The following NLGN1 variants were observed in gnomAD, a reference collection of about 807,000 sequenced individuals.
NLGN1 encodes neuroligin-1.
Under a neutral mutation model 65.5 loss-of-function variants are expected in NLGN1, and 12 were observed. That is an observed-to-expected ratio of 0.18 (90% CI 0.12 to 0.30). The LOEUF (loss-of-function observed/expected upper bound fraction) is 0.30. NLGN1 is among the 10% of genes least tolerant of loss of function. The pLI is 1.00. For missense variants in NLGN1, 750 were observed against 1,007.1 expected, an observed-to-expected ratio of 0.74 and a Z score of 3.46; for synonymous variants, 350 against 359.5, an observed-to-expected ratio of 0.97 and a Z score of 0.30.
chr3:173,980,303 T>A (rs749644209), intron 4 of NLGN1, among the ~76,000 whole-genome samples: 11 of 152,060 alleles, frequency 7.2e-5, no homozygotes, highest in Non-Finnish European at 1.3e-4. Context: ...ATTTTCAGTT[T>A]CCATTCATAT....
chr3:174,181,195 T>C (rs1041049439), intron 4 of NLGN1, among the ~76,000 whole-genome samples: 31 of 152,150 alleles, frequency 2.0e-4, no homozygotes, highest in African/African-American at 7.5e-4. Flanking sequence ...TGGAATAATA[T>C]AAATTCATCA....
At chr3:174,152,382 A>G (rs2152705853) in intron 4 of NLGN1, among the ~76,000 whole-genome samples, 1 of 152,282 alleles carries the variant, frequency 6.6e-6, no homozygotes, top group Non-Finnish European at 1.5e-5. Context: ...AGAAATATTT[A>G]AAGATTTAAA....
chr3:174,050,600 C>T (rs1224802542), intron 4 of NLGN1, among the ~76,000 whole-genome samples: 1 of 151,888 alleles, frequency 6.6e-6, no homozygotes, highest in East Asian at 1.9e-4. Flanking sequence ...CAACTAATGC[C>T]GTGGCCTGGT....
At chr3:174,292,616 T>C in the NLGN1 span, among the ~76,000 whole-genome samples, 1 of 150,408 alleles carries the variant, frequency 6.6e-6, no homozygotes, top group Non-Finnish European at 1.5e-5. Flanking sequence ...TGTCCTGCCA[T>C]TCCTCCACCA....
downstream of NLGN1, among the ~76,000 whole-genome samples, chr3:174,290,310 A>G (rs1414932005): frequency 6.6e-6 from 1 of 151,028 alleles, no homozygotes. Flanking sequence ...CATTGAACCC[A>G]TAAACAGATC....
intron 3 of NLGN1, among the ~76,000 whole-genome samples, chr3:173,799,096 A>T (rs773330657): frequency 6.6e-6 from 1 of 151,992 alleles, no homozygotes; most frequent in Non-Finnish European, 1.5e-5. Flanking sequence ...TGAAATCAGT[A>T]CATGACTTTC....
In NLGN1 at chr3:174,107,134, TA is replaced by T. The variant is rs370930032; in HGVS notation, c.647-168180del. On this transcript the variant is annotated intron_variant, in intron 4 of 6. Coordinates refer to ENST00000457714, the Ensembl canonical transcript of NLGN1. ...ACCATCAAAGGTCTTATGTTGCCTT[TA>T]CCCGGTTTCACAATGATAACGTATT... Among the ~76,000 whole-genome samples the T allele has an allele frequency of 2.6e-3, 399 of 152,048 alleles. 2 individuals carry two copies. The highest frequency in any genetic ancestry group is 9.3e-3 in the African/African-American group (384 of 41,482).
At chr3:173,687,024 A>G (rs1200449299) in intron 3 of NLGN1, among the ~76,000 whole-genome samples, 1 of 152,098 alleles carries the variant, frequency 6.6e-6, no homozygotes, top group East Asian at 1.9e-4. Flanking sequence ...GGGAACAAGT[A>G]TCCAGGAGGA....
chr3:173,574,686 A>G (rs1745232003), intron 2 of NLGN1, among the ~76,000 whole-genome samples: 1 of 152,200 alleles, frequency 6.6e-6, no homozygotes, highest in African/African-American at 2.4e-5. Flanking sequence ...AAAGGAATAG[A>G]GAAGATAACA....
At chr3:173,435,727 A>C (rs1718013964) in intron 2 of NLGN1, among the ~76,000 whole-genome samples, 1 of 152,020 alleles carries the variant, frequency 6.6e-6, no homozygotes, top group Admixed American at 6.6e-5. Flanking sequence ...CCCAGCTACT[A>C]AGGAGGCTGA....
intron 4 of NLGN1, among the ~76,000 whole-genome samples, chr3:174,082,182 A>G (rs1742374883): frequency 6.6e-6 from 1 of 152,214 alleles, no homozygotes; most frequent in Non-Finnish European, 1.5e-5. Context: ...ACTTTAATAG[A>G]GCCTTCCATC....
intron 3 of NLGN1, among the ~76,000 whole-genome samples, chr3:173,712,946 A>G (rs1305596267): frequency 3.3e-5 from 5 of 152,130 alleles, no homozygotes; most frequent in Admixed American, 6.6e-5. Context: ...GGAAGAGACA[A>G]TGAGAGATAT....
At position 174,045,797 on chromosome 3, in the gene NLGN1, C is replaced by T. The variant is rs145352335; in HGVS notation, c.647-229518C>T. On this transcript the variant is annotated intron_variant, in intron 4 of 6. Coordinates refer to ENST00000457714, the Ensembl canonical transcript of NLGN1. ...GACAGTATTTGAATAAATCTGCTTG[C>T]AAATGTAATATAAAAGTAGCCCAGA... is the stretch of plus-strand genomic sequence containing the variant. Among the ~76,000 whole-genome samples the T allele has an allele frequency of 4.9e-3, 753 of 152,152 alleles. 8 individuals are homozygous for T. Among genetic ancestry groups the T allele is most frequent in the South Asian group, 0.024 (116 of 4,820 alleles).
chr3:173,909,001 C>G (rs1739020506), intron 4 of NLGN1, among the ~76,000 whole-genome samples: 1 of 152,108 alleles, frequency 6.6e-6, no homozygotes, highest in Non-Finnish European at 1.5e-5. Context: ...TAGTCTTTCC[C>G]TATCACAAAG....
In NLGN1 at chr3:174,222,842, A is replaced by G. The variant is rs376870908; in HGVS notation, c.647-52473A>G. ...ACCATTCCAGTTGCTATCTGTATCT[A>G]TTTTACAGTATAGAGTTGTTCAATT... On this transcript the variant is annotated intron_variant, in intron 4 of 6. Coordinates refer to ENST00000457714, the Ensembl canonical transcript of NLGN1. Among the ~76,000 whole-genome samples, 56 of 152,128 alleles carry G rather than the reference A, an allele frequency of 3.7e-4. 1 individual carries two copies. The highest frequency in any genetic ancestry group is 1.3e-3 in the African/African-American group (54 of 41,476).
At position 173,604,380 on chromosome 3, in the gene NLGN1, A is replaced by G; in HGVS notation, c.-219A>G. 1.7e-6 allele frequency: 1 copy of G among 580,856 alleles called. No homozygotes were observed. Among genetic ancestry groups the G allele is most frequent in the Non-Finnish European group, 3.0e-6 (1 of 328,858 alleles). 36.0% of individuals were successfully genotyped at this position (580,856 alleles called of 1,614,324 possible). A position where few individuals can be genotyped will look rare whatever the true frequency, so the allele number is the denominator to read the frequency against. On this transcript the variant is annotated 5_prime_UTR_variant, in exon 3 of 7. It adds an upstream start codon to the 5' untranslated region. Transcript: ENST00000457714. ...TAATATGGAAAACAGAATGTTCAAT[A>G]GGATATGGTCTGATAAATAGTGATG...
rs918089521 is a variant in NLGN1 at position 173,556,900 on chromosome 3, T to C, written c.-320-47379T>C. Among the ~76,000 whole-genome samples, 5 of 152,110 alleles carry C rather than the reference T, an allele frequency of 3.3e-5. No individual in the cohort carries two copies. In the South Asian group the frequency reaches 8.3e-4, roughly 25 times the overall value. ...TAATATTTAAAGTTATTGAAACTTA[T>C]TTTTTGCCCCAGATTATGGTATATC... On this transcript the variant is annotated intron_variant, in intron 2 of 6. Coordinates refer to ENST00000457714, the Ensembl canonical transcript of NLGN1.
intron 4 of NLGN1, among the ~76,000 whole-genome samples, chr3:174,070,363 G>A (rs1036368067): frequency 4.0e-5 from 6 of 149,180 alleles, no homozygotes; most frequent in East Asian, 4.0e-4. Flanking sequence ...ATGGAGTCTC[G>A]CTCTGTCACC....
At chr3:174,094,437 A>T (rs1745082652) in intron 4 of NLGN1, among the ~76,000 whole-genome samples, 1 of 151,702 alleles carries the variant, frequency 6.6e-6, no homozygotes, top group African/African-American at 2.4e-5. Context: ...CAAATTCGTA[A>T]ACTTTTTTTT....
Sources: gnomAD v4.1 joint callset for allele counts (sites outside exome capture counted in the v4.1 genomes callset) on GRCh38, gnomAD v4.1.1 for gene constraint, MANE v1.5 for transcripts, NCBI Gene and HGNC (gene_info 2026-07-23, HGNC 2026-07-21) for gene names.